Variants in RYR3 observed in about 807,000 individuals in gnomAD.
RYR3 encodes the protein brain ryanodine receptor-calcium release channel.
In RYR3, 207 loss-of-function variants were observed where a neutral mutation model predicts 584.3. The ratio of observed to expected loss-of-function variants is 0.35; its 90% CI spans 0.32 to 0.40. RYR3 has a LOEUF of 0.40. RYR3 is among the 10% of genes least tolerant of loss of function. RYR3 has a pLI of 1.00. For missense variants in RYR3, 5,616 were observed against 6,089.2 expected (o/e 0.92, Z 2.59); for synonymous variants, 2,416 against 2,248.5 (o/e 1.07, Z -2.11).
intron 2 of RYR3, among the ~76,000 whole-genome samples, chr15:33,493,157 C>CAT (rs1180059097): frequency 1.4e-5 from 1 of 73,432 alleles, no homozygotes; most frequent in Non-Finnish European, 2.8e-5. Flanking sequence ...ATCTTCACCC[C>CAT]ATCTCTCTGT....
intron 98 of RYR3, among the ~76,000 whole-genome samples, chr15:33,855,708 C>G (rs1006715723): frequency 6.6e-6 from 1 of 151,948 alleles, no homozygotes; most frequent in East Asian, 1.9e-4. Flanking sequence ...TTGTTATACA[C>G]ATAGTACACA....
At chr15:33,788,826 C>T (rs562454832) in intron 67 of RYR3, among the ~76,000 whole-genome samples, 2 of 152,264 alleles carry the variant, frequency 1.3e-5, no homozygotes, top group South Asian at 4.1e-4. Flanking sequence ...AGGCTTTAAG[C>T]GATAGGAGTG....
chr15:33,649,517 A>G (rs2062332874), intron 31 of RYR3, among the ~76,000 whole-genome samples: 1 of 152,180 alleles, frequency 6.6e-6, no homozygotes, highest in Non-Finnish European at 1.5e-5. Flanking sequence ...TTTTTCCAGG[A>G]CTTCTGGGCA....
intron 12 of RYR3, 90 bp from the exon 13 acceptor site, chr15:33,579,886 G>GA (rs1491318642): frequency 2.1e-6 from 2 of 959,518 alleles, no homozygotes; most frequent in Non-Finnish European, 3.0e-6. Flanking sequence ...GGTGCACCGT[G>GA]GGGGGCTGTT....
At chr15:33,843,959 G>A (rs1388107467) in intron 92 of RYR3, among the ~76,000 whole-genome samples, 10 of 152,188 alleles carry the variant, frequency 6.6e-5, no homozygotes, top group Non-Finnish European at 1.0e-4. Flanking sequence ...TGTTAGAAGC[G>A]TTATAAAGGA....
At chr15:33,521,943 T>C (rs2054015309) in intron 3 of RYR3, among the ~76,000 whole-genome samples, 1 of 152,090 alleles carries the variant, frequency 6.6e-6, no homozygotes, top group Admixed American at 6.5e-5. Flanking sequence ...TCCTCCTGTT[T>C]TCTGAACTTC....
At chr15:33,410,199 G>A (rs2043305839) in intron 1 of RYR3, among the ~76,000 whole-genome samples, 1 of 152,174 alleles carries the variant, frequency 6.6e-6, no homozygotes, top group African/African-American at 2.4e-5. Flanking sequence ...CCACAGCACT[G>A]ATTAAGCAAA....
At chr15:33,464,472 AT>A (rs1437824279) in intron 1 of RYR3, among the ~76,000 whole-genome samples, 3 of 78,212 alleles carry the variant, frequency 3.8e-5, no homozygotes, top group African/African-American at 8.2e-5. Flanking sequence ...AGATATATAT[AT>A]ATATATATAT....
chr15:33,640,013 G>A (rs1265504620), intron 27 of RYR3, among the ~76,000 whole-genome samples: 2 of 151,892 alleles, frequency 1.3e-5, no homozygotes, highest in African/African-American at 4.8e-5. Context: ...CTTTGGTGTG[G>A]TCTCCTGTGC....
At chr15:33,623,536 A>C (rs1252151379) in intron 19 of RYR3, among the ~76,000 whole-genome samples, 1 of 152,232 alleles carries the variant, frequency 6.6e-6, no homozygotes, top group Non-Finnish European at 1.5e-5. Flanking sequence ...AGTACAGATA[A>C]ACTTGGTTCT....
intron 60 of RYR3, among the ~76,000 whole-genome samples, chr15:33,760,581 C>G (rs556257426): frequency 6.6e-6 from 1 of 152,296 alleles, no homozygotes; most frequent in South Asian, 2.1e-4. Flanking sequence ...GCACTAAATA[C>G]AGGAGCACCC....
At chr15:33,344,314 G>GTC (rs1259069825) in intron 1 of RYR3, among the ~76,000 whole-genome samples, 3 of 152,286 alleles carry the variant, frequency 2.0e-5, no homozygotes, top group Admixed American at 2.0e-4. Flanking sequence ...ATTGGGTTGA[G>GTC]TCATGAAAAG....
intron 90 of RYR3, chr15:33,841,662 C>A: frequency 1.9e-6 from 1 of 534,344 alleles, no homozygotes; most frequent in Non-Finnish European, 3.3e-6. Context: ...AGCTGATGTT[C>A]ACCAAGATCA....
chr15:33,450,263 T>C (rs2141968040), intron 1 of RYR3, among the ~76,000 whole-genome samples: 1 of 152,126 alleles, frequency 6.6e-6, no homozygotes, highest in East Asian at 1.9e-4. Flanking sequence ...GAGATAAAAA[T>C]CCTGCTAAAT....
intron 3 of RYR3, among the ~76,000 whole-genome samples, chr15:33,504,855 C>G (rs1246649979): frequency 2.0e-5 from 3 of 152,176 alleles, no homozygotes; most frequent in African/African-American, 4.8e-5. Flanking sequence ...AACAGCTTCC[C>G]TCCTCCTCTC....
chr15:33,440,708 A>C (rs1179692166), intron 1 of RYR3, among the ~76,000 whole-genome samples: 1 of 152,338 alleles, frequency 6.6e-6, no homozygotes, highest in East Asian at 1.9e-4. Context: ...CCACAATTCC[A>C]GGCTCTATCC....
At chr15:33,515,016 C>A (rs576943569) in intron 3 of RYR3, among the ~76,000 whole-genome samples, 54 of 152,074 alleles carry the variant, frequency 3.6e-4, no homozygotes, top group African/African-American at 1.1e-3. Context: ...AAAAAAAAAT[C>A]TCCAGTTATG....
chr15:33,682,948 A>G (rs2064733136), intron 38 of RYR3, among the ~76,000 whole-genome samples: 1 of 151,474 alleles, frequency 6.6e-6, no homozygotes, highest in African/African-American at 2.4e-5. Context: ...TAACCTCTTC[A>G]CCTCAATGTC....
chr15:33,327,053 T>A (rs897362978), intron 1 of RYR3, among the ~76,000 whole-genome samples: 2 of 151,312 alleles, frequency 1.3e-5, no homozygotes, highest in Non-Finnish European at 1.5e-5. Flanking sequence ...GCCCCTTGCA[T>A]GGAAGTGAAA....
Sources: allele counts gnomAD v4.1 joint callset (sites outside exome capture counted in the v4.1 genomes callset), GRCh38; gene constraint gnomAD v4.1.1; transcripts MANE v1.5; gene names NCBI Gene and HGNC (gene_info 2026-07-23, HGNC 2026-07-21).